SGCZ: variants seen among roughly 807,000 people sequenced by gnomAD.
SGCZ encodes the protein sarcoglycan zeta, also known as zeta-sarcoglycan.
Under a neutral mutation model 41.3 loss-of-function variants are expected in SGCZ, and 40 were observed. The observed-to-expected ratio is 0.97, with a 90% confidence interval of 0.75 to 1.26. The LOEUF is 1.26. SGCZ is among the 50% of genes most tolerant of loss of function. SGCZ has a pLI of 0.00. For synonymous variants in SGCZ, 206 were observed against 137.5 expected, an observed-to-expected ratio of 1.50 and a Z score of -3.49; for missense variants, 552 against 369.8, an observed-to-expected ratio of 1.49 and a Z score of -4.04.
rs561964037 is a variant in SGCZ, at chr8:15,108,768, G to A, written c.39+128817C>T. ...ATTAATATGTATTGTAAGAGGCTCT[G>A]CTACTAACATGAATACGTCTATGCT... On this transcript the variant is annotated intron_variant, in intron 1 of 7. Transcript: ENST00000382080. Among the ~76,000 whole-genome samples, 39 of 152,248 alleles carry A rather than the reference G, an allele frequency of 2.6e-4. 1 individual carries two copies. Among genetic ancestry groups the A allele is most frequent in the Admixed American group, 1.1e-3 (17 of 15,284 alleles).
intron 4 of SGCZ, among the ~76,000 whole-genome samples, chr8:14,185,889 A>G (rs992137728): frequency 6.6e-6 from 1 of 152,218 alleles, no homozygotes; most frequent in Non-Finnish European, 1.5e-5. Flanking sequence ...CATGGCTTTA[A>G]ATAATATCTA....
intron 1 of SGCZ, among the ~76,000 whole-genome samples, chr8:15,169,435 C>G (rs895377140): frequency 6.6e-6 from 1 of 152,128 alleles, no homozygotes; most frequent in Non-Finnish European, 1.5e-5. Context: ...TCCAGTCAAA[C>G]GAGAGTCACT....
intron 1 of SGCZ, among the ~76,000 whole-genome samples, chr8:14,618,783 A>C (rs1806189943): frequency 6.6e-6 from 1 of 152,182 alleles, no homozygotes; most frequent in Admixed American, 6.6e-5. Flanking sequence ...TGAACAGAGT[A>C]TATGTAATAA....
rs182054193 is a variant in SGCZ at position 14,930,608 on chromosome 8, C to T, written c.39+306977G>A. 3.9e-5 allele frequency among the ~76,000 whole-genome samples: 6 copies of T among 151,918 alleles called. 1 individual carries two copies. The highest frequency in any genetic ancestry group is 1.9e-4 in the East Asian group (1 of 5,160). Reference sequence around the variant, plus strand: ...ACCCAAATGCCCACCAATGATAGACCGGATAAAGAAAATGTGGCACATATA... The same window carrying T: ...ACCCAAATGCCCACCAATGATAGACTGGATAAAGAAAATGTGGCACATATA... On this transcript the variant is annotated intron_variant, in intron 1 of 7. Transcript: ENST00000382080.
intron 4 of SGCZ, among the ~76,000 whole-genome samples, chr8:14,196,505 G>C (rs1412153911): frequency 6.6e-6 from 1 of 152,084 alleles, no homozygotes; most frequent in African/African-American, 2.4e-5. Context: ...AACACAAATT[G>C]ACTACATGAA....
chr8:14,257,170 A>C (rs746967161), intron 3 of SGCZ, among the ~76,000 whole-genome samples: 4 of 151,926 alleles, frequency 2.6e-5, no homozygotes, highest in East Asian at 1.9e-4. Context: ...CTCTACAAAA[A>C]ACAAAAATTA....
At chr8:15,067,511 A>G (rs1805198656) in intron 1 of SGCZ, among the ~76,000 whole-genome samples, 1 of 152,188 alleles carries the variant, frequency 6.6e-6, no homozygotes, top group Admixed American at 6.5e-5. Context: ...CCCAGGAGTT[A>G]GGGCTCTTAA....
At chr8:14,955,970 T>C (rs1033805134) in intron 1 of SGCZ, among the ~76,000 whole-genome samples, 1 of 152,030 alleles carries the variant, frequency 6.6e-6, no homozygotes, top group Admixed American at 6.6e-5. Flanking sequence ...ATTTTACTTT[T>C]CACATTTGGG....
At position 14,966,060 on chromosome 8, in the gene SGCZ, T is replaced by C. The variant is rs867532851; in HGVS notation, c.39+271525A>G. ...CTTAGTTAACTAATGAATTTACTTATGTCAACAAGACTTAAAAACTGAACA... is the reference window on the plus strand; with the variant it reads ...CTTAGTTAACTAATGAATTTACTTACGTCAACAAGACTTAAAAACTGAACA... On this transcript the variant is annotated intron_variant, in intron 1 of 7. Transcript: ENST00000382080. Among the ~76,000 whole-genome samples, 8 of 152,076 alleles carry C rather than the reference T, an allele frequency of 5.3e-5. No individual in the cohort carries two copies. The South Asian group carries it at 8.3e-4, about 16-fold the overall frequency.
intron 2 of SGCZ, among the ~76,000 whole-genome samples, chr8:14,332,271 T>C (rs772197634): frequency 1.3e-5 from 2 of 151,902 alleles, no homozygotes; most frequent in African/African-American, 2.4e-5. Flanking sequence ...CCGTCTCTAC[T>C]AAAAATAAAA....
chr8:14,732,573 C>T (rs1354748608), intron 1 of SGCZ, among the ~76,000 whole-genome samples: 1 of 152,196 alleles, frequency 6.6e-6, no homozygotes, highest in Non-Finnish European at 1.5e-5. Context: ...CCTCACACTC[C>T]ACTGCAGGTG....
intron 5 of SGCZ, among the ~76,000 whole-genome samples, chr8:14,127,548 C>A (rs765147997): frequency 6.6e-6 from 1 of 152,210 alleles, no homozygotes; most frequent in South Asian, 2.1e-4. Context: ...CTCCGCCTCC[C>A]GGGTTCATGC....
intron 1 of SGCZ, among the ~76,000 whole-genome samples, chr8:14,692,937 T>C (rs146347444): frequency 1.8e-4 from 28 of 152,304 alleles, no homozygotes; most frequent in African/African-American, 6.3e-4. Flanking sequence ...TTTACTTCGA[T>C]TGGCTTTCAC....
At chr8:14,511,745 G>A (rs1288295103) in intron 2 of SGCZ, among the ~76,000 whole-genome samples, 7 of 152,072 alleles carry the variant, frequency 4.6e-5, no homozygotes, top group African/African-American at 1.4e-4. Context: ...AAGTTGTTAA[G>A]TATGATTGTA....
chr8:14,401,678 A>C (rs1203764335), intron 2 of SGCZ, among the ~76,000 whole-genome samples: 1 of 151,776 alleles, frequency 6.6e-6, no homozygotes, highest in Non-Finnish European at 1.5e-5. Flanking sequence ...TTCTTGATCC[A>C]GTCTATCATT....
chr8:15,217,597 T>C (rs981372102), intron 1 of SGCZ, among the ~76,000 whole-genome samples: 43 of 152,276 alleles, frequency 2.8e-4, no homozygotes, highest in Non-Finnish European at 5.0e-4. Context: ...CCAATTTGCA[T>C]ACTTAAAAAC....
chr8:14,381,275 C>T (rs1804351111), intron 2 of SGCZ, among the ~76,000 whole-genome samples: 1 of 152,152 alleles, frequency 6.6e-6, no homozygotes, highest in Non-Finnish European at 1.5e-5. Flanking sequence ...TTAGCAACAG[C>T]TAGGAAGGTT....
chr8:14,781,849 T>C (rs955272283), intron 1 of SGCZ, among the ~76,000 whole-genome samples: 1 of 152,196 alleles, frequency 6.6e-6, no homozygotes, highest in African/African-American at 2.4e-5. Flanking sequence ...GACTACTTAA[T>C]AATAAAGTGT....
At chr8:14,479,731 C>CTTTT (rs529812029) in intron 2 of SGCZ, among the ~76,000 whole-genome samples, 1,831 of 52,654 alleles carry the variant, frequency 0.035, 177 homozygotes, top group South Asian at 0.053. Context: ...AATTCTACTT[C>CTTTT]TTTTTTTTTT....
Sources: gnomAD v4.1 joint callset for allele counts (sites outside exome capture counted in the v4.1 genomes callset) on GRCh38, gnomAD v4.1.1 for gene constraint, MANE v1.5 for transcripts, NCBI Gene and HGNC (gene_info 2026-07-23, HGNC 2026-07-21) for gene names.